RANBP17: variants seen among roughly 807,000 people sequenced by gnomAD.
The protein encoded by RANBP17 is RAN binding protein 17.
A neutral mutation model predicts 141.2 loss-of-function variants in RANBP17; 158 were observed. The observed-to-expected ratio is 1.12, with a 90% CI of 0.98 to 1.28. The LOEUF (loss-of-function observed/expected upper bound fraction) is 1.28, where lower values mean the gene tolerates loss of function less well. RANBP17 is among the 50% of genes most tolerant of loss of function. The pLI, the probability that RANBP17 is intolerant of heterozygous loss-of-function variation, is 0.00. For synonymous variants in RANBP17, 430 were observed against 450.0 expected (o/e 0.96, Z 0.56); for missense variants, 1,438 against 1,290.7 (o/e 1.11, Z -1.75).
intron 4 of RANBP17, 124 bp from the exon 5 acceptor site, chr5:170,895,926 C>T: frequency 2.2e-6 from 1 of 459,296 alleles, no homozygotes; most frequent in Non-Finnish European, 3.8e-6. Flanking sequence ...AATTTTGTTT[C>T]CATTTTATTA....
intron 14 of RANBP17, among the ~76,000 whole-genome samples, chr5:171,156,657 G>A (rs1758922963): frequency 6.6e-6 from 1 of 152,058 alleles, no homozygotes; most frequent in African/African-American, 2.4e-5. Flanking sequence ...CAAGAGAATT[G>A]TTTTAAAAGG....
intron 13 of RANBP17, among the ~76,000 whole-genome samples, chr5:170,958,303 G>A (rs1002062099): frequency 1.3e-5 from 2 of 152,178 alleles, no homozygotes; most frequent in Non-Finnish European, 2.9e-5. Flanking sequence ...TCCTGTTAGA[G>A]TTATGAACAG....
chr5:171,046,330 T>C (rs1343082616), intron 14 of RANBP17, among the ~76,000 whole-genome samples: 7 of 150,850 alleles, frequency 4.6e-5, no homozygotes, highest in Non-Finnish European at 1.5e-5. Context: ...TGCCTCAGCC[T>C]CCCGAGTAGC....
intron 14 of RANBP17, among the ~76,000 whole-genome samples, chr5:171,134,750 A>C (rs1043356502): frequency 2.7e-5 from 4 of 149,042 alleles, no homozygotes; most frequent in Non-Finnish European, 6.0e-5. Context: ...GCAAAACCCT[A>C]TCTCTACAAA....
Position 170,911,098 on chromosome 5 carries a change from CTTTG to C in RANBP17, c.725_728del (p.Leu242ProfsTer36). 6.2e-7 allele frequency: 1 copy of C among 1,611,480 alleles called. No individual in the cohort carries two copies. Among genetic ancestry groups the C allele is most frequent in the South Asian group, 1.1e-5 (1 of 90,990 alleles). ...TTCAGCAGATGAATCTGCAGATGAT[CTTTG>C]CACGGTGCAGATTCCAACAACTTGG... On this transcript the variant is annotated frameshift_variant, in exon 7 of 28. Coordinates refer to ENST00000523189, the MANE Select transcript of RANBP17 (RefSeq NM_022897.5). LOFTEE classifies it high-confidence loss of function.
At chr5:170,965,784 C>T (rs1358021766) in intron 13 of RANBP17, among the ~76,000 whole-genome samples, 2 of 152,140 alleles carry the variant, frequency 1.3e-5, no homozygotes, top group African/African-American at 4.8e-5. Context: ...CAGTACCATG[C>T]TGTTTTGGTT....
chr5:170,963,937 A>G (rs1284140650), intron 13 of RANBP17, among the ~76,000 whole-genome samples: 4 of 152,254 alleles, frequency 2.6e-5, no homozygotes, highest in African/African-American at 9.6e-5. Flanking sequence ...CCAAATAGAA[A>G]AAAAATCAGG....
At chr5:171,041,690 T>TA (rs1782257967) in intron 14 of RANBP17, among the ~76,000 whole-genome samples, 1 of 152,186 alleles carries the variant, frequency 6.6e-6, no homozygotes, top group East Asian at 1.9e-4. Flanking sequence ...GGTAAGTACT[T>TA]ATGTATCTAA....
At chr5:170,876,309 G>C (rs1232764331) in intron 1 of RANBP17, among the ~76,000 whole-genome samples, 1 of 151,974 alleles carries the variant, frequency 6.6e-6, no homozygotes, top group Non-Finnish European at 1.5e-5. Context: ...ATCAGTGTGG[G>C]ATTTGCATGT....
chr5:170,966,647 C>T (rs995903399), intron 13 of RANBP17, among the ~76,000 whole-genome samples: 1 of 151,890 alleles, frequency 6.6e-6, no homozygotes, highest in Non-Finnish European at 1.5e-5. Context: ...ACAGGGATGC[C>T]CTCTCTCACC....
chr5:171,228,848 A>G (rs948367536), intron 22 of RANBP17, among the ~76,000 whole-genome samples: 1 of 152,162 alleles, frequency 6.6e-6, no homozygotes, highest in Non-Finnish European at 1.5e-5. Context: ...ATTATGATAT[A>G]TACATTATTA....
intron 8 of RANBP17, among the ~76,000 whole-genome samples, chr5:170,915,393 C>G: frequency 6.6e-6 from 1 of 152,100 alleles, no homozygotes; most frequent in Admixed American, 6.6e-5. Context: ...TGACTTCCCC[C>G]AGGGCAACAA....
intron 14 of RANBP17, among the ~76,000 whole-genome samples, chr5:171,065,188 A>G (rs1418495927): frequency 6.6e-6 from 1 of 152,014 alleles, no homozygotes; most frequent in Non-Finnish European, 1.5e-5. Context: ...GAAGGAATGA[A>G]TCTACTTTTA....
intron 12 of RANBP17, among the ~76,000 whole-genome samples, chr5:170,933,941 A>G (rs1773631686): frequency 6.6e-6 from 1 of 152,146 alleles, no homozygotes; most frequent in Non-Finnish European, 1.5e-5. Flanking sequence ...TGCTTGGTGC[A>G]GAGCTGAGTT....
At chr5:171,291,151 A>G (rs1056635493) in intron 25 of RANBP17, among the ~76,000 whole-genome samples, 5 of 152,286 alleles carry the variant, frequency 3.3e-5, no homozygotes, top group African/African-American at 1.2e-4. Flanking sequence ...TGTGGGAAGA[A>G]TGGAGGAGAA....
intron 14 of RANBP17, among the ~76,000 whole-genome samples, chr5:171,153,616 G>C (rs1758642425): frequency 6.6e-6 from 1 of 152,142 alleles, no homozygotes; most frequent in Non-Finnish European, 1.5e-5. Flanking sequence ...TGACACCCAG[G>C]GGGTGCTTGG....
chr5:170,997,687 A>G (rs749254292), intron 14 of RANBP17, among the ~76,000 whole-genome samples: 6 of 152,200 alleles, frequency 3.9e-5, no homozygotes, highest in Non-Finnish European at 7.3e-5. Context: ...TAAATTCAGT[A>G]TGAACAGACT....
At chr5:171,097,624 T>G (rs1786791372) in intron 14 of RANBP17, among the ~76,000 whole-genome samples, 1 of 146,648 alleles carries the variant, frequency 6.8e-6, no homozygotes, top group Non-Finnish European at 1.5e-5. Context: ...ATTATTATTA[T>G]TATTATTATT....
At chr5:170,909,478 G>T (rs758009701) in intron 5 of RANBP17, among the ~76,000 whole-genome samples, 183 bp from the exon 6 acceptor site, 1 of 150,922 alleles carries the variant, frequency 6.6e-6, no homozygotes, top group Non-Finnish European at 1.5e-5. Context: ...CTCTGAAAGT[G>T]TGATGAACTT....
Sources: gnomAD v4.1 joint callset for allele counts (sites outside exome capture counted in the v4.1 genomes callset) on GRCh38, gnomAD v4.1.1 for gene constraint, MANE v1.5 for transcripts, NCBI Gene and HGNC (gene_info 2026-07-23, HGNC 2026-07-21) for gene names.